The following KCND2 variants were observed in gnomAD, a reference collection of about 807,000 sequenced individuals.
KCND2 encodes potassium voltage-gated channel subfamily D member 2, also known as A-type voltage-gated potassium channel KCND2.
In KCND2, 16 loss-of-function variants were observed where a neutral mutation model predicts 54.4. The observed-to-expected ratio is 0.29, with a 90% CI of 0.20 to 0.45. The LOEUF (loss-of-function observed/expected upper bound fraction) is 0.45, where lower values mean the gene tolerates loss of function less well. Among genes scored for constraint, KCND2 ranks in the 20% least tolerant of loss-of-function variants. The pLI, the probability that KCND2 is intolerant of heterozygous loss-of-function variation, is 1.00. For synonymous variants in KCND2, 317 were observed against 310.7 expected, an observed-to-expected ratio of 1.02 and a Z score of -0.21; for missense variants, 486 against 824.2, an observed-to-expected ratio of 0.59 and a Z score of 5.02.
At chr7:120,365,665 C>T (rs1273856337) in intron 1 of KCND2, among the ~76,000 whole-genome samples, 3 of 152,028 alleles carry the variant, frequency 2.0e-5, no homozygotes, top group Non-Finnish European at 2.9e-5. Flanking sequence ...AGATGTCAAT[C>T]GTACAATTAC....
chr7:120,505,041 A>G (rs1802993570), intron 1 of KCND2, among the ~76,000 whole-genome samples: 1 of 151,872 alleles, frequency 6.6e-6, no homozygotes, highest in African/African-American at 2.4e-5. Flanking sequence ...TACAGGTAAC[A>G]GTTTTTCAAA....
At chr7:120,571,995 G>C (rs1792371635) in intron 1 of KCND2, among the ~76,000 whole-genome samples, 1 of 152,138 alleles carries the variant, frequency 6.6e-6, no homozygotes, top group South Asian at 2.1e-4. Context: ...TTGCTAACTG[G>C]GATTTTTCCA....
At chr7:120,503,519 T>C (rs1475923550) in intron 1 of KCND2, among the ~76,000 whole-genome samples, 2 of 151,976 alleles carry the variant, frequency 1.3e-5, no homozygotes, top group Non-Finnish European at 2.9e-5. Flanking sequence ...CCAAACTTTC[T>C]GTCTCCCTTT....
chr7:120,726,076 G>C (rs1213614438), intron 1 of KCND2, among the ~76,000 whole-genome samples: 1 of 152,050 alleles, frequency 6.6e-6, no homozygotes, highest in Non-Finnish European at 1.5e-5. Context: ...TCATAATTTG[G>C]CTGAAACAAG....
intron 1 of KCND2, chr7:120,464,015 TTG>T: frequency 2.1e-6 from 2 of 974,842 alleles, no homozygotes; most frequent in Non-Finnish European, 2.4e-6. Context: ...TTTCTTAGTT[TTG>T]TTTTTTTTTT....
At chr7:120,620,652 TG>T (rs1793086281) in intron 1 of KCND2, among the ~76,000 whole-genome samples, 1 of 152,198 alleles carries the variant, frequency 6.6e-6, no homozygotes, top group African/African-American at 2.4e-5. Context: ...GAGGAAGAAT[TG>T]ACATGCTAAG....
At chr7:120,577,856 A>G (rs1462130896) in intron 1 of KCND2, among the ~76,000 whole-genome samples, 1 of 152,158 alleles carries the variant, frequency 6.6e-6, no homozygotes, top group Non-Finnish European at 1.5e-5. Context: ...AAGTGCTGGG[A>G]TTACAGGCGT....
chr7:120,415,009 C>T (rs985632408), intron 1 of KCND2, among the ~76,000 whole-genome samples: 1 of 152,088 alleles, frequency 6.6e-6, no homozygotes, highest in Admixed American at 6.5e-5. Flanking sequence ...AATCATCAAC[C>T]CCCAATGAAG....
intron 1 of KCND2, among the ~76,000 whole-genome samples, chr7:120,410,280 T>G (rs1801429880): frequency 6.6e-6 from 1 of 151,004 alleles, no homozygotes; most frequent in East Asian, 1.9e-4. Flanking sequence ...ACACTATTTT[T>G]ACAATGTAGC....
chr7:120,545,540 T>C (rs908554746), intron 1 of KCND2, among the ~76,000 whole-genome samples: 4 of 151,884 alleles, frequency 2.6e-5, no homozygotes, highest in Non-Finnish European at 5.9e-5. Flanking sequence ...CAATGAAAGT[T>C]GTTCAGGGAA....
At chr7:120,532,815 A>G (rs943643452) in intron 1 of KCND2, among the ~76,000 whole-genome samples, 2 of 152,070 alleles carry the variant, frequency 1.3e-5, no homozygotes, top group African/African-American at 4.8e-5. Flanking sequence ...TAAAATAACT[A>G]TGAATAGTCA....
At chr7:120,394,945 G>T (rs547385498) in intron 1 of KCND2, among the ~76,000 whole-genome samples, 1 of 152,064 alleles carries the variant, frequency 6.6e-6, no homozygotes, top group Non-Finnish European at 1.5e-5. Context: ...ATACTTCTCT[G>T]GCTATTTGGT....
chr7:120,326,928 A>C (rs940967820), intron 1 of KCND2, among the ~76,000 whole-genome samples: 3 of 152,106 alleles, frequency 2.0e-5, no homozygotes, highest in Admixed American at 2.0e-4. Context: ...TGTTGCCTTC[A>C]TGTCTAATAG....
intron 1 of KCND2, among the ~76,000 whole-genome samples, chr7:120,422,522 A>T (rs1563041190): frequency 6.6e-6 from 1 of 151,956 alleles, no homozygotes. Flanking sequence ...TTTTTATCCC[A>T]CTTGTTTGTA....
chr7:120,573,738 A>G (rs1446626042), intron 1 of KCND2, among the ~76,000 whole-genome samples: 1 of 152,128 alleles, frequency 6.6e-6, no homozygotes, highest in Non-Finnish European at 1.5e-5. Flanking sequence ...TATCAGAAAA[A>G]GAGACATTTG....
rs968388869 is a variant in KCND2 at position 120,680,709 on chromosome 7, T to C, written c.1116-52194T>C. ...TTAACTTATTTTCAGCATAATACAA[T>C]AGTATATAAGCTCTTTGGGAGAAGG... On this transcript the variant is annotated intron_variant, in intron 1 of 5. Transcript: ENST00000331113. 3.3e-5 allele frequency among the ~76,000 whole-genome samples: 5 copies of C among 152,198 alleles called. No homozygotes were observed. The East Asian group carries it at 9.7e-4, about 29-fold the overall frequency.
At chr7:120,607,654 T>A (rs1283843449) in intron 1 of KCND2, among the ~76,000 whole-genome samples, 1 of 152,120 alleles carries the variant, frequency 6.6e-6, no homozygotes, top group Admixed American at 6.6e-5. Context: ...TGATTGTAGC[T>A]AATACACAAA....
At chr7:120,464,815 C>T (rs947929315) in intron 1 of KCND2, among the ~76,000 whole-genome samples, 4 of 152,258 alleles carry the variant, frequency 2.6e-5, no homozygotes, top group African/African-American at 7.2e-5. Flanking sequence ...CATGTATTCC[C>T]GTCCATCTTC....
intron 1 of KCND2, among the ~76,000 whole-genome samples, chr7:120,671,450 G>A (rs1463716024): frequency 6.6e-6 from 1 of 151,994 alleles, no homozygotes; most frequent in Non-Finnish European, 1.5e-5. Flanking sequence ...GTGGTCTACG[G>A]CCCGGGAGGT....
Sources: allele counts gnomAD v4.1 joint callset (sites outside exome capture counted in the v4.1 genomes callset), GRCh38; gene constraint gnomAD v4.1.1; transcripts MANE v1.5; gene names NCBI Gene and HGNC (gene_info 2026-07-23, HGNC 2026-07-21).